The following CCDC68 variants were observed in gnomAD, a reference collection of about 807,000 sequenced individuals.
CCDC68 encodes the protein coiled-coil domain-containing protein 68.
In CCDC68, 45 loss-of-function variants were observed where a neutral mutation model predicts 47.1. The observed-to-expected ratio is 0.96, with a 90% CI of 0.75 to 1.23. The LOEUF (loss-of-function observed/expected upper bound fraction) is 1.23, where lower values mean the gene tolerates loss of function less well. CCDC68 is among the 50% of genes most tolerant of loss of function. CCDC68 has a pLI of 0.00. For missense variants in CCDC68, 353 were observed against 373.6 expected, an observed-to-expected ratio of 0.94 and a Z score of 0.45; for synonymous variants, 131 against 129.5, an observed-to-expected ratio of 1.01 and a Z score of -0.08.
chr18:54,958,706 T>C lies in CCDC68; in HGVS notation c.-103+630A>G, dbSNP rs892419191. ...TAAAAACTACACTTGCACGGTCCCG[T>C]ACTAACCTTCAGTAAGATAAGAGTG... On this transcript the variant is annotated intron_variant, in intron 1 of 11. Transcript: ENST00000591504. Among the ~76,000 whole-genome samples, 5 of 152,184 alleles carry C rather than the reference T, an allele frequency of 3.3e-5. 1 individual carries two copies. Among genetic ancestry groups the C allele is most frequent in the African/African-American group, 9.7e-5 (4 of 41,436 alleles).
intron 8 of CCDC68, among the ~76,000 whole-genome samples, chr18:54,922,291 C>G (rs1292467879): frequency 6.6e-6 from 1 of 152,082 alleles, no homozygotes; most frequent in African/African-American, 2.4e-5. Context: ...GATGGAAGAG[C>G]CTTCCAAGGT....
chr18:54,930,657 T>TCCCTCCCTCACTC (rs1568147545), intron 7 of CCDC68, among the ~76,000 whole-genome samples: 1 of 9,228 alleles, frequency 1.1e-4, no homozygotes, highest in African/African-American at 3.9e-4. Context: ...CTCCCTCCCT[T>TCCCTCCCTCACTC]CCTTCCTTCC....
At position 54,915,182 on chromosome 18, in the gene CCDC68, C is replaced by T. The variant is rs1038103863; in HGVS notation, c.873+2731G>A. Reference sequence around the variant, plus strand: ...TAATTAAAGCAGTAAGCTATTGGAGCCACAATAGGCTGATTCGCTGTTGGA... The same window carrying T: ...TAATTAAAGCAGTAAGCTATTGGAGTCACAATAGGCTGATTCGCTGTTGGA... On this transcript the variant is annotated intron_variant, in intron 10 of 11. Coordinates refer to ENST00000591504, the MANE Select transcript of CCDC68 (RefSeq NM_025214.3). 2.0e-5 allele frequency among the ~76,000 whole-genome samples: 3 copies of T among 152,212 alleles called. No individual in the cohort carries two copies. The East Asian group carries it at 5.8e-4, about 29-fold the overall frequency.
At chr18:54,919,055 A>T (rs2044006564) in intron 9 of CCDC68, among the ~76,000 whole-genome samples, 1 of 152,202 alleles carries the variant, frequency 6.6e-6, no homozygotes, top group African/African-American at 2.4e-5. Context: ...GTTATACATA[A>T]CTTTCCAAGC....
intron 1 of CCDC68, among the ~76,000 whole-genome samples, chr18:54,953,994 T>TC (rs1568166785): frequency 1.5e-3 from 53 of 34,738 alleles, no homozygotes; most frequent in African/African-American, 5.3e-3. Flanking sequence ...TCCCCTCCCC[T>TC]CCCTTCCCCT....
chr18:54,954,380 C>T (rs888300098), intron 1 of CCDC68: 3 of 151,984 alleles, frequency 2.0e-5, no homozygotes, highest in Non-Finnish European at 4.4e-5. Context: ...TTATCAACAC[C>T]ATCGCCCACC....
At chr18:54,911,823 AC>A (rs1423736866) in intron 10 of CCDC68, among the ~76,000 whole-genome samples, 2 of 152,216 alleles carry the variant, frequency 1.3e-5, no homozygotes, top group African/African-American at 2.4e-5. Flanking sequence ...CCAATTCAGT[AC>A]CAAACAATAC....
intron 2 of CCDC68, 126 bp from the exon 3 acceptor site, chr18:54,942,929 G>T: frequency 4.9e-6 from 3 of 613,188 alleles, no homozygotes; most frequent in Non-Finnish European, 8.7e-6. Context: ...ATAAATCATT[G>T]GTATCTGTAT....
intron 2 of CCDC68, among the ~76,000 whole-genome samples, chr18:54,944,274 T>A (rs568287525): frequency 6.6e-6 from 1 of 152,106 alleles, no homozygotes; most frequent in Non-Finnish European, 1.5e-5. Context: ...AAAGTGAGCT[T>A]ATAATTATTA....
intron 5 of CCDC68, 53 bp downstream of exon 5, chr18:54,937,904 T>C: frequency 6.5e-7 from 1 of 1,530,100 alleles, no homozygotes; most frequent in Non-Finnish European, 8.9e-7. Context: ...AACAACCCAT[T>C]CTATTAGCTC....
chr18:54,952,927 C>T (rs138261100), intron 1 of CCDC68, among the ~76,000 whole-genome samples: 9,414 of 152,060 alleles, frequency 0.062, 315 homozygotes, highest in Non-Finnish European at 0.072. Flanking sequence ...GCACAAGAAT[C>T]GCTTGAACCT....
intron 1 of CCDC68, among the ~76,000 whole-genome samples, chr18:54,948,281 G>T (rs919202014): frequency 5.3e-5 from 8 of 152,256 alleles, no homozygotes; most frequent in Admixed American, 2.0e-4. Context: ...TGTGTCGAGA[G>T]ATGAGAACAC....
At chr18:54,907,953 C>A in intron 10 of CCDC68, 91 bp from the exon 11 acceptor site, 2 of 752,408 alleles carry the variant, frequency 2.7e-6, no homozygotes, top group South Asian at 3.0e-5. Flanking sequence ...ACCTGCCTCA[C>A]TCGTTGGCAG....
chr18:54,951,724 G>A (rs972328578), intron 1 of CCDC68, among the ~76,000 whole-genome samples: 1 of 152,222 alleles, frequency 6.6e-6, no homozygotes, highest in Non-Finnish European at 1.5e-5. Flanking sequence ...GGAGGTCCCA[G>A]GTGTGTCCTT....
At chr18:54,905,802 G>A (rs8097466) in intron 11 of CCDC68, among the ~76,000 whole-genome samples, 149,549 of 152,238 alleles carry the variant, frequency 0.98, 73,529 homozygotes, top group East Asian at 1. Flanking sequence ...TGGGCAAGAG[G>A]GCGAAGCTTC....
intron 8 of CCDC68, among the ~76,000 whole-genome samples, chr18:54,925,709 TG>T (rs2044132939): frequency 6.6e-6 from 1 of 152,172 alleles, no homozygotes; most frequent in African/African-American, 2.4e-5. Context: ...CTACCATCTG[TG>T]GGGACTCATA....
At position 54,919,303 on chromosome 18, in the gene CCDC68, G is replaced by T; in HGVS notation, c.757C>A (p.Gln253Lys). The change falls in exon 9 of 12, where the codon CAA becomes AAA. Residue 253 changes from glutamine to lysine, a missense_variant. Coordinates refer to ENST00000591504, the MANE Select transcript of CCDC68 (RefSeq NM_025214.3). Reference sequence around the variant, plus strand: ...ATGACACTGCGCAGGTTCTGATGTTGGGAGTGAATCACAAACTGCAGATGA... The same window carrying T: ...ATGACACTGCGCAGGTTCTGATGTTTGGAGTGAATCACAAACTGCAGATGA... ...ISHLQFVIHS[Q>K]HQNLRSVIQE... 1 of 1,613,858 alleles carries T rather than the reference G, an allele frequency of 6.2e-7. No individual in the cohort carries two copies. Among genetic ancestry groups the T allele is most frequent in the Non-Finnish European group, 8.5e-7 (1 of 1,179,792 alleles).
chr18:54,939,342 T>C (rs1267925202), intron 4 of CCDC68, among the ~76,000 whole-genome samples: 1 of 152,000 alleles, frequency 6.6e-6, no homozygotes, highest in Admixed American at 6.6e-5. Context: ...GCTACAAAGA[T>C]CATTGATCAG....
chr18:54,941,075 AGTT>A lies in CCDC68; in HGVS notation c.123_125del (p.Thr43del). On this transcript the variant is annotated inframe_deletion, in exon 4 of 12. Transcript: ENST00000591504. Reference sequence around the variant, plus strand: ...TCTGGGTCCTGATCTTTTGCAGAGTAGTTCGAATCTAGAGAAGGAAAACAAAAC... The same window carrying A: ...TCTGGGTCCTGATCTTTTGCAGAGTACGAATCTAGAGAAGGAAAACAAAAC... 6.2e-7 allele frequency: 1 copy of A among 1,610,808 alleles called. No homozygotes were observed. The highest frequency in any genetic ancestry group is 1.1e-5 in the South Asian group (1 of 90,736).
Sources: gnomAD v4.1 joint callset for allele counts (sites outside exome capture counted in the v4.1 genomes callset) on GRCh38, gnomAD v4.1.1 for gene constraint, MANE v1.5 for transcripts, NCBI Gene and HGNC (gene_info 2026-07-23, HGNC 2026-07-21) for gene names.